The following STARD5 variants were observed in gnomAD, a reference collection of about 807,000 sequenced individuals.
The protein encoded by STARD5 is stAR-related lipid transfer protein 5.
Under a neutral mutation model 24.6 loss-of-function variants are expected in STARD5, and 26 were observed. The ratio of observed to expected loss-of-function variants is 1.06; its 90% CI spans 0.77 to 1.47. The LOEUF is 1.47. Among genes scored for constraint, STARD5 ranks in the 40% most tolerant of loss-of-function variants. The pLI is 0.00. For synonymous variants in STARD5, 101 were observed against 99.7 expected (o/e 1.01, Z -0.07); for missense variants, 254 against 270.8 (o/e 0.94, Z 0.44).
intron 5 of STARD5, among the ~76,000 whole-genome samples, chr15:81,316,158 C>A (rs1393669674): frequency 1.3e-5 from 2 of 152,174 alleles, no homozygotes; most frequent in Admixed American, 1.3e-4. Context: ...CACCAACACG[C>A]CCAAGACTCC....
At position 81,322,483 on chromosome 15, in the gene STARD5, C is replaced by T. The variant is rs550033147; in HGVS notation, c.207G>A (p.Lys69=). 3 of 1,614,244 alleles carry T rather than the reference C, an allele frequency of 1.9e-6. No homozygotes were observed. The highest frequency in any genetic ancestry group is 3.3e-4 in the Middle Eastern group (2 of 6,062). ...GTLEEVWDCV[K]PAVGGLRVKW... is the part of the protein sequence containing the mutation. ...TCACTCGTAGGCCTCCAACAGCTGG[C>T]TTCACACAGTCCCACACCTCCTCTA... The change falls in exon 3 of 6, where the codon AAG becomes AAA. Residue 69 remains lysine (K), a synonymous_variant. Transcript: ENST00000302824.
chr15:81,319,862 G>A (rs1228040162), intron 3 of STARD5, among the ~76,000 whole-genome samples: 1 of 152,192 alleles, frequency 6.6e-6, no homozygotes, highest in African/African-American at 2.4e-5. Flanking sequence ...AACTCAGCAC[G>A]AAGCTCATGG....
chr15:81,313,319 G>A lies in STARD5; in HGVS notation c.579C>T (p.Phe193=). ...YLPQNVVDSF[F]PRSMTRFYAN... Reference sequence around the variant, plus strand: ...CATAAAACCGGGTCATGCTGCGGGGGAAGAAGGAGTCCACCACGTTCTGTG... The same window carrying A: ...CATAAAACCGGGTCATGCTGCGGGGAAAGAAGGAGTCCACCACGTTCTGTG... The change falls in exon 6 of 6, where the codon TTC becomes TTT. Residue 193 remains phenylalanine (F), a synonymous_variant. Coordinates refer to ENST00000302824, the MANE Select transcript of STARD5 (RefSeq NM_181900.3). The A allele has an allele frequency of 1.9e-6, 3 of 1,579,064 alleles. No homozygotes were observed. Among genetic ancestry groups the A allele is most frequent in the South Asian group, 2.4e-5 (2 of 84,608 alleles).
At chr15:81,323,537 G>C (rs920220409) in intron 1 of STARD5, 2 of 856,574 alleles carry the variant, frequency 2.3e-6, no homozygotes, top group East Asian at 3.0e-5. Flanking sequence ...ACGACAAAGA[G>C]AGGGGTTCAT....
At chr15:81,314,258 G>A (rs562967211) in intron 5 of STARD5, among the ~76,000 whole-genome samples, 1 of 152,298 alleles carries the variant, frequency 6.6e-6, no homozygotes, top group South Asian at 2.1e-4. Context: ...AATAATTTGA[G>A]CACCTATGAA....
chr15:81,310,512 A>G lies in STARD5; in HGVS notation c.*2744T>C, dbSNP rs1282163937. On this transcript the variant is annotated 3_prime_UTR_variant, in exon 6 of 6. Transcript: ENST00000302824. ...AGCAATTAGACAAGAACTTGGAGGC[A>G]CCATTTGTATCCACTTTTTAGACTT... is the stretch of plus-strand genomic sequence containing the variant. The G allele has an allele frequency of 6.6e-6, 1 of 152,188 alleles. No individual in the cohort carries two copies. Among genetic ancestry groups the G allele is most frequent in the African/African-American group, 2.4e-5 (1 of 41,444 alleles). The allele number at this position is 152,188 out of a possible 1,614,324, so 9.4% of individuals were successfully genotyped here.
chr15:81,317,914 T>C (rs1289994245), intron 5 of STARD5, among the ~76,000 whole-genome samples: 1 of 152,198 alleles, frequency 6.6e-6, no homozygotes, highest in Non-Finnish European at 1.5e-5. Flanking sequence ...AGAACTGCCC[T>C]TTAGGCCTGA....
chr15:81,311,263 C>G lies in STARD5; in HGVS notation c.*1993G>C, dbSNP rs1449342483. Reference sequence around the variant, plus strand: ...AAAAAGGAATCCACTCCCAGGCAGCCCTACTTCTTTGCTTTGCCCAGCATT... The same window carrying G: ...AAAAAGGAATCCACTCCCAGGCAGCGCTACTTCTTTGCTTTGCCCAGCATT... On this transcript the variant is annotated 3_prime_UTR_variant, in exon 6 of 6. Coordinates refer to ENST00000302824, the MANE Select transcript of STARD5 (RefSeq NM_181900.3). 1 of 152,212 alleles carries G rather than the reference C, an allele frequency of 6.6e-6. No individual in the cohort carries two copies. The highest frequency in any genetic ancestry group is 1.5e-5 in the Non-Finnish European group (1 of 68,036). The allele number at this position is 152,212 out of a possible 1,614,324, so 9.4% of individuals were successfully genotyped here. A position where few individuals can be genotyped will look rare whatever the true frequency, so the allele number is the denominator to read the frequency against.
intron 5 of STARD5, among the ~76,000 whole-genome samples, chr15:81,315,376 G>A (rs1430775180): frequency 6.6e-6 from 1 of 152,166 alleles, no homozygotes; most frequent in Admixed American, 6.5e-5. Flanking sequence ...AGTGGCCTTG[G>A]TGAGTGGTAG....
chr15:81,319,449 C>A lies in STARD5; in HGVS notation c.290G>T (p.Cys97Phe). Reference protein sequence around the residue: ...EIIQSITDTLCVSRTSTPSAA... With the variant: ...EIIQSITDTLFVSRTSTPSAA... Reference sequence around the variant, plus strand: ...GGAGGGAGTGGAGGTTCTGCTTACACACAGGGTCTGCCAAACCAAAGAAGC... The same window carrying A: ...GGAGGGAGTGGAGGTTCTGCTTACAAACAGGGTCTGCCAAACCAAAGAAGC... The change falls in exon 4 of 6, where the codon TGT (cysteine) becomes TTT (phenylalanine). Residue 97 changes from cysteine (C) to phenylalanine (F), a missense_variant. Cys to Phe is a radical substitution (Grantham distance 205). Transcript: ENST00000302824. 2 of 1,614,140 alleles carry A rather than the reference C, an allele frequency of 1.2e-6. No homozygotes were observed. The highest frequency in any genetic ancestry group is 1.7e-6 in the Non-Finnish European group (2 of 1,179,984).
intron 2 of STARD5, 109 bp downstream of exon 2, chr15:81,322,790 A>G: frequency 6.4e-6 from 9 of 1,409,520 alleles, no homozygotes; most frequent in Non-Finnish European, 9.0e-6. Flanking sequence ...CTGGAGGACA[A>G]GTGATCACAG....
intron 4 of STARD5, 57 bp from the exon 5 acceptor site, chr15:81,318,559 C>A: frequency 6.7e-7 from 1 of 1,498,410 alleles, no homozygotes; most frequent in Non-Finnish European, 9.3e-7. Context: ...AGGTCACTGC[C>A]ATTGGGGTGC....
chr15:81,319,574 A>C (rs1901154015), intron 3 of STARD5, 118 bp from the exon 4 acceptor site: 3 of 840,552 alleles, frequency 3.6e-6, no homozygotes, highest in African/African-American at 1.7e-5. Flanking sequence ...TGGCACTATA[A>C]ACAGTTAAGA....
intron 1 of STARD5, chr15:81,323,392 G>T (rs4778894): frequency 0.15 from 44,931 of 303,110 alleles, 4,317 homozygotes; most frequent in South Asian, 0.33. Flanking sequence ...AGGGGTTCAT[G>T]CTGTAATGAA....
At position 81,324,084 on chromosome 15, in the gene STARD5, C is replaced by G; in HGVS notation, c.16G>C (p.Ala6Pro). Residue 6 changes from alanine (A) to proline (P), a missense_variant, in exon 1 of 6, where the codon GCA becomes CCA. By Grantham distance (27) the Ala-to-Pro change is conservative. Coordinates refer to ENST00000302824, the MANE Select transcript of STARD5 (RefSeq NM_181900.3). MDPAL[A>P]AQMSEAVAEK... ...GCCACAGCCTCGCTCATCTGGGCTGCCAGCGCCGGGTCCATTGCGTCGGGA... is the reference window on the plus strand; with the variant it reads ...GCCACAGCCTCGCTCATCTGGGCTGGCAGCGCCGGGTCCATTGCGTCGGGA... 6.6e-7 allele frequency: 1 copy of G among 1,511,118 alleles called. No homozygotes were observed. The highest frequency in any genetic ancestry group is 8.9e-7 in the Non-Finnish European group (1 of 1,118,544). The allele number at this position is 1,511,118 out of a possible 1,614,324, so 93.6% of individuals were successfully genotyped here. A position where few individuals can be genotyped will look rare whatever the true frequency, so the allele number is the denominator to read the frequency against.
Position 81,310,377 on chromosome 15 carries a change from T to G in STARD5, c.*2879A>C, listed in dbSNP as rs1363095946. 1 of 152,196 alleles carries G rather than the reference T, an allele frequency of 6.6e-6. No individual in the cohort carries two copies. The highest frequency in any genetic ancestry group is 2.4e-5 in the African/African-American group (1 of 41,430). The allele number at this position is 152,196 out of a possible 1,614,324, so 9.4% of individuals were successfully genotyped here. On this transcript the variant is annotated 3_prime_UTR_variant, in exon 6 of 6. Transcript: ENST00000302824. Reference sequence around the variant, plus strand: ...TTAGTGGCTTCATTAGAGCAGGCGTTCAGCTCACTGTTCTATTCATCTCAA... The same window carrying G: ...TTAGTGGCTTCATTAGAGCAGGCGTGCAGCTCACTGTTCTATTCATCTCAA...
At chr15:81,322,302 C>A (rs2141678475) in intron 3 of STARD5, 106 bp downstream of exon 3, 1 of 1,449,476 alleles carries the variant, frequency 6.9e-7, no homozygotes, top group Non-Finnish European at 9.5e-7. Flanking sequence ...GCAGGACACA[C>A]CCCCTTAACA....
At chr15:81,318,615 G>A (rs1321207327) in intron 4 of STARD5, 113 bp from the exon 5 acceptor site, 4 of 907,196 alleles carry the variant, frequency 4.4e-6, no homozygotes, top group Non-Finnish European at 6.9e-6. Context: ...GAGTCTGTGA[G>A]GGACTCCTGC....
At chr15:81,320,733 G>C (rs1329342600) in intron 3 of STARD5, among the ~76,000 whole-genome samples, 2 of 152,160 alleles carry the variant, frequency 1.3e-5, no homozygotes, top group Non-Finnish European at 2.9e-5. Flanking sequence ...AATGGCAGAA[G>C]TGATGAAAAT....
Sources: allele counts gnomAD v4.1 joint callset (sites outside exome capture counted in the v4.1 genomes callset), GRCh38; gene constraint gnomAD v4.1.1; transcripts MANE v1.5; gene names NCBI Gene and HGNC (gene_info 2026-07-23, HGNC 2026-07-21).